The following CNGB3 variants were observed in gnomAD, a reference collection of about 807,000 sequenced individuals.
CNGB3 encodes the protein cyclic nucleotide-gated channel beta-3.
CNGB3 carries 86 observed loss-of-function variants against 92.8 expected under a neutral mutation model. That is an observed-to-expected ratio of 0.93 (90% CI 0.78 to 1.11). The LOEUF (loss-of-function observed/expected upper bound fraction) is 1.11, where lower values mean the gene tolerates loss of function less well. Ranked by LOEUF, CNGB3 falls within the 50% of genes least tolerant of loss-of-function variation. The pLI is 0.00. For synonymous variants in CNGB3, 333 were observed against 332.7 expected (o/e 1.00, Z -0.01); for missense variants, 1,026 against 956.8 (o/e 1.07, Z -0.95).
intron 15 of CNGB3, among the ~76,000 whole-genome samples, chr8:86,582,459 GA>G (rs1821807303): frequency 6.6e-6 from 1 of 151,174 alleles, no homozygotes; most frequent in Non-Finnish European, 1.5e-5. Flanking sequence ...ATAGATCCAG[GA>G]AGATAGGAGA....
chr8:86,696,663 A>G (rs141977437), intron 3 of CNGB3, among the ~76,000 whole-genome samples: 197 of 152,298 alleles, frequency 1.3e-3, no homozygotes, highest in Middle Eastern at 6.8e-3. Context: ...CACCTTTATC[A>G]TTATATAAAG....
At chr8:86,737,389 T>C (rs1355760892) in intron 2 of CNGB3, among the ~76,000 whole-genome samples, 1 of 152,190 alleles carries the variant, frequency 6.6e-6, no homozygotes, top group Non-Finnish European at 1.5e-5. Context: ...ATTCTACATA[T>C]GTCTGTAAAA....
intron 15 of CNGB3, among the ~76,000 whole-genome samples, chr8:86,584,223 C>T (rs1821848306): frequency 6.6e-6 from 1 of 152,102 alleles, no homozygotes; most frequent in African/African-American, 2.4e-5. Context: ...ACCTTCTTCC[C>T]TTTCTATGAA....
chr8:86,627,533 C>T (rs1822872438), intron 12 of CNGB3, among the ~76,000 whole-genome samples: 1 of 152,166 alleles, frequency 6.6e-6, no homozygotes, highest in African/African-American at 2.4e-5. Flanking sequence ...TTGAGAATTT[C>T]ATTGTAATTT....
At chr8:86,656,202 A>T (rs1018048881) in intron 6 of CNGB3, among the ~76,000 whole-genome samples, 14 of 152,222 alleles carry the variant, frequency 9.2e-5, no homozygotes, top group African/African-American at 3.4e-4. Context: ...GTTATAAATC[A>T]TGTACCACAA....
At chr8:86,579,346 C>T in intron 15 of CNGB3, 94 bp from the exon 16 acceptor site, 1 of 1,410,794 alleles carries the variant, frequency 7.1e-7, no homozygotes. Context: ...AGTATTTATA[C>T]TGCTTCAGAA....
intron 3 of CNGB3, among the ~76,000 whole-genome samples, chr8:86,679,703 T>C (rs1467757377): frequency 6.6e-6 from 1 of 152,096 alleles, no homozygotes; most frequent in African/African-American, 2.4e-5. Context: ...TTTTTGTATT[T>C]TTAGTAGAGA....
intron 6 of CNGB3, chr8:86,659,248 G>T (rs951934540): frequency 2.0e-5 from 15 of 763,706 alleles, no homozygotes; most frequent in Non-Finnish European, 3.6e-5. Flanking sequence ...TCAGTATATT[G>T]GTCTTTCTCC....
At chr8:86,701,415 T>G (rs1824553386) in intron 3 of CNGB3, among the ~76,000 whole-genome samples, 1 of 152,212 alleles carries the variant, frequency 6.6e-6, no homozygotes. Context: ...TATGCCATAA[T>G]TTTTGTGAAG....
At chr8:86,651,571 A>G (rs112322277) in intron 7 of CNGB3, among the ~76,000 whole-genome samples, 3 of 151,950 alleles carry the variant, frequency 2.0e-5, no homozygotes, top group African/African-American at 7.2e-5. Context: ...GCTACCCTAA[A>G]ACTTACAGTT....
At chr8:86,576,225 A>G (rs1821659842) in intron 17 of CNGB3, 95 bp from the exon 18 acceptor site, 2 of 1,249,726 alleles carry the variant, frequency 1.6e-6, no homozygotes, top group Admixed American at 3.9e-5. Context: ...GATCACCACC[A>G]AGACAGACTG....
chr8:86,742,540 CTAGTCCCT>C (rs1825360690), intron 1 of CNGB3, among the ~76,000 whole-genome samples: 1 of 152,116 alleles, frequency 6.6e-6, no homozygotes. Flanking sequence ...CTATGCTCCC[CTAGTCCCT>C]GAGGAGCACT....
chr8:86,737,499 A>G (rs1825268509), intron 2 of CNGB3, among the ~76,000 whole-genome samples: 1 of 151,964 alleles, frequency 6.6e-6, no homozygotes, highest in Non-Finnish European at 1.5e-5. Context: ...CTTTTTTTAA[A>G]TTTTTCTTTA....
rs1212213966 is a variant in CNGB3 at position 86,588,663 on chromosome 8, C to T, written c.1782-9411G>A. Among the ~76,000 whole-genome samples, 3 of 148,552 alleles carry T rather than the reference C, an allele frequency of 2.0e-5. No individual in the cohort carries two copies. The South Asian group carries it at 6.4e-4, about 32-fold the overall frequency. On this transcript the variant is annotated intron_variant, in intron 15 of 17. Coordinates refer to ENST00000320005, the MANE Select transcript of CNGB3 (RefSeq NM_019098.5). ...ATTTATTGATTTGCATATATTGAAC[C>T]AGCCTTGCATCCCAGGGATGAAGCC...
intron 15 of CNGB3, among the ~76,000 whole-genome samples, chr8:86,599,741 T>C (rs1451731578): frequency 6.6e-6 from 1 of 152,198 alleles, no homozygotes; most frequent in Non-Finnish European, 1.5e-5. Context: ...TCAGACCGGT[T>C]GTCTGCTCTC....
intron 15 of CNGB3, among the ~76,000 whole-genome samples, chr8:86,579,538 TC>T (rs1182146325): frequency 6.6e-6 from 1 of 152,204 alleles, no homozygotes; most frequent in Non-Finnish European, 1.5e-5. Flanking sequence ...AAATGCAGAA[TC>T]CTTTTGGACT....
At chr8:86,738,692 A>T (rs1482830734) in intron 2 of CNGB3, among the ~76,000 whole-genome samples, 1 of 149,140 alleles carries the variant, frequency 6.7e-6, no homozygotes, top group African/African-American at 2.5e-5. Flanking sequence ...ACAAAAAATT[A>T]GCCAGGCTTG....
At chr8:86,614,215 A>T (rs1822573003) in intron 13 of CNGB3, among the ~76,000 whole-genome samples, 1 of 151,938 alleles carries the variant, frequency 6.6e-6, no homozygotes, top group Non-Finnish European at 1.5e-5. Context: ...GCTTTATACC[A>T]CTGCCTCCTG....
Position 86,654,563 on chromosome 8 carries a change from G to T in CNGB3, c.853-501C>A, listed in dbSNP as rs541822890. On this transcript the variant is annotated intron_variant, in intron 6 of 17. Transcript: ENST00000320005. ...TCTATCTGAGGACAGGTTTGATTTT[G>T]TTTAGCAACTAAATTTAACTAGTGC... 1.4e-4 allele frequency among the ~76,000 whole-genome samples: 21 copies of T among 152,188 alleles called. No homozygotes were observed. In the South Asian group the frequency reaches 4.4e-3, roughly 32 times the overall value.
Sources: allele counts gnomAD v4.1 joint callset (sites outside exome capture counted in the v4.1 genomes callset), GRCh38; gene constraint gnomAD v4.1.1; transcripts MANE v1.5; gene names NCBI Gene and HGNC (gene_info 2026-07-23, HGNC 2026-07-21).